TUSC3: variants seen among roughly 807,000 people sequenced by gnomAD.
TUSC3 encodes dolichyl-diphosphooligosaccharide--protein glycosyltransferase subunit TUSC3.
In TUSC3, 45 loss-of-function variants were observed where a neutral mutation model predicts 44.8. The ratio of observed to expected loss-of-function variants is 1.00; its 90% CI spans 0.79 to 1.29. The LOEUF is 1.29. Among genes scored for constraint, TUSC3 ranks in the 50% most tolerant of loss-of-function variants. TUSC3 has a pLI of 0.00. For synonymous variants in TUSC3, 212 were observed against 152.9 expected (o/e 1.39, Z -2.85); for missense variants, 519 against 437.9 (o/e 1.19, Z -1.65).
At chr8:15,511,533 A>T (rs56248779) in intron 2 of TUSC3, among the ~76,000 whole-genome samples, 4,968 of 152,250 alleles carry the variant, frequency 0.033, 99 homozygotes, top group East Asian at 0.061. Context: ...CACCAATTAT[A>T]ATAGCACCAA....
chr8:15,722,941 T>A (rs1810358705), intron 6 of TUSC3, among the ~76,000 whole-genome samples: 3 of 152,070 alleles, frequency 2.0e-5, no homozygotes, highest in Admixed American at 6.6e-5. Context: ...CCACAAAATG[T>A]AGTTATTTAG....
chr8:15,534,359 C>G (rs17121612), intron 2 of TUSC3, among the ~76,000 whole-genome samples: 28,703 of 151,974 alleles, frequency 0.19, 2,752 homozygotes, highest in South Asian at 0.25. Flanking sequence ...AAAACTTTAG[C>G]CGGGCTGGGC....
In TUSC3 at chr8:15,550,624, T is replaced by G. The variant is rs771846732; in HGVS notation, c.138+10056T>G. Among the ~76,000 whole-genome samples, 57 of 151,736 alleles carry G rather than the reference T, an allele frequency of 3.8e-4. 1 individual carries two copies. The highest frequency in any genetic ancestry group is 6.3e-4 in the Non-Finnish European group (43 of 67,852). On this transcript the variant is annotated intron_variant, in intron 1 of 10. Coordinates refer to ENST00000503731, the MANE Select transcript of TUSC3 (RefSeq NM_006765.4). ...CTTTCATACTGTTTCATTACTATCA[T>G]GATTCTTTCCTCTGTCTTTTTGTAG... is the stretch of plus-strand genomic sequence containing the variant.
At chr8:15,613,597 G>T (rs1804855932) in intron 1 of TUSC3, among the ~76,000 whole-genome samples, 2 of 152,078 alleles carry the variant, frequency 1.3e-5, no homozygotes, top group African/African-American at 4.8e-5. Flanking sequence ...TGCCATGATT[G>T]TGAGGCCTCC....
At chr8:15,741,444 C>G (rs1023257433) in intron 7 of TUSC3, among the ~76,000 whole-genome samples, 1 of 152,134 alleles carries the variant, frequency 6.6e-6, no homozygotes, top group Non-Finnish European at 1.5e-5. Flanking sequence ...CGCGGTGGCT[C>G]ACAACTGTAA....
chr8:15,493,189 T>A (rs1800833038), intron 2 of TUSC3, among the ~76,000 whole-genome samples: 1 of 152,158 alleles, frequency 6.6e-6, no homozygotes, highest in Non-Finnish European at 1.5e-5. Flanking sequence ...AACCAAAAAT[T>A]CCACCCTGGT....
the TUSC3 span, among the ~76,000 whole-genome samples, chr8:15,795,048 G>C: frequency 2.1e-4 from 32 of 152,114 alleles, no homozygotes; most frequent in Admixed American, 5.9e-4. Context: ...CTGACGGAAA[G>C]AGGTTGGAAC....
chr8:15,639,978 G>T (rs1418429223), intron 2 of TUSC3, among the ~76,000 whole-genome samples: 2 of 152,094 alleles, frequency 1.3e-5, no homozygotes, highest in African/African-American at 2.4e-5. Context: ...TAACATAGCA[G>T]GCCTGAGATT....
chr8:15,435,569 C>T (rs1465805739), intron 1 of TUSC3, among the ~76,000 whole-genome samples: 1 of 152,078 alleles, frequency 6.6e-6, no homozygotes, highest in East Asian at 1.9e-4. Flanking sequence ...TTTCCAACAT[C>T]ATGAAACAAT....
intron 5 of TUSC3, among the ~76,000 whole-genome samples, chr8:15,664,891 C>G: frequency 6.6e-6 from 1 of 150,798 alleles, no homozygotes. Context: ...TCTTCTTTAT[C>G]ATTTCTGCCT....
At chr8:15,694,619 C>T (rs186224855) in intron 6 of TUSC3, among the ~76,000 whole-genome samples, 24 of 151,944 alleles carry the variant, frequency 1.6e-4, no homozygotes, top group Middle Eastern at 3.4e-3. Context: ...TTCTTTTATC[C>T]GCTTTGATAT....
chr8:15,491,723 G>A (rs531666546), intron 2 of TUSC3, among the ~76,000 whole-genome samples: 5 of 152,108 alleles, frequency 3.3e-5, no homozygotes, highest in Non-Finnish European at 7.4e-5. Context: ...AACCTTGTAC[G>A]ATTTTTGTCT....
At chr8:15,568,130 C>T (rs1447913289) in intron 1 of TUSC3, among the ~76,000 whole-genome samples, 3 of 152,080 alleles carry the variant, frequency 2.0e-5, no homozygotes, top group Non-Finnish European at 1.5e-5. Flanking sequence ...ATGGAACTAG[C>T]AGAATGATTA....
In TUSC3 at chr8:15,476,479, A is replaced by C. The variant is rs1391384837; in HGVS notation, n.92-6907A>C. ...AAAGTCAGTAAATTCTCAGATATTA[A>C]GGTTTAAGAGAGGGCTCACTTATAT... is the stretch of plus-strand genomic sequence containing the variant. On this transcript the variant is annotated intron_variant and non_coding_transcript_variant, in intron 1 of 5. Transcript: ENST00000503191. Among the ~76,000 whole-genome samples, 17 of 152,084 alleles carry C rather than the reference A, an allele frequency of 1.1e-4. 1 individual carries two copies. Among genetic ancestry groups the C allele is most frequent in the Non-Finnish European group, 1.5e-5 (1 of 67,930 alleles).
At chr8:15,493,173 T>G (rs1800832797) in intron 2 of TUSC3, among the ~76,000 whole-genome samples, 1 of 152,206 alleles carries the variant, frequency 6.6e-6, no homozygotes, top group Admixed American at 6.5e-5. Flanking sequence ...ACAAAGTGAA[T>G]GAAAGAACCA....
intron 2 of TUSC3, among the ~76,000 whole-genome samples, chr8:15,643,081 G>A (rs1360096747): frequency 1.3e-5 from 2 of 152,136 alleles, no homozygotes; most frequent in African/African-American, 4.8e-5. Flanking sequence ...GTCCTCACAT[G>A]ACCTGATGGC....
chr8:15,846,466 A>G, the TUSC3 span, among the ~76,000 whole-genome samples: 1 of 152,198 alleles, frequency 6.6e-6, no homozygotes, highest in Admixed American at 6.5e-5. Flanking sequence ...ACTTAGAACC[A>G]TCAATGATAG....
chr8:15,840,759 G>C, the TUSC3 span, among the ~76,000 whole-genome samples: 1 of 152,208 alleles, frequency 6.6e-6, no homozygotes, highest in Non-Finnish European at 1.5e-5. Context: ...TCCTTTGAAA[G>C]AAACAATAAT....
At chr8:15,515,819 C>T (rs1436406437) in intron 2 of TUSC3, among the ~76,000 whole-genome samples, 6 of 151,988 alleles carry the variant, frequency 3.9e-5, no homozygotes, top group Non-Finnish European at 8.8e-5. Flanking sequence ...AGTCTCTCGC[C>T]ACCACACCCG....
Sources: allele counts gnomAD v4.1 joint callset (sites outside exome capture counted in the v4.1 genomes callset), GRCh38; gene constraint gnomAD v4.1.1; transcripts MANE v1.5; gene names NCBI Gene and HGNC (gene_info 2026-07-23, HGNC 2026-07-21).